The following INPP4B variants were observed in gnomAD, a reference collection of about 807,000 sequenced individuals.
INPP4B encodes inositol polyphosphate 4-phosphatase type II.
A neutral mutation model predicts 122.5 loss-of-function variants in INPP4B; 55 were observed. The ratio of observed to expected loss-of-function variants is 0.45; its 90% CI spans 0.36 to 0.56. The LOEUF is 0.56. Among genes scored for constraint, INPP4B ranks in the 20% least tolerant of loss-of-function variants. INPP4B has a pLI of 0.00. For synonymous variants in INPP4B, 403 were observed against 388.7 expected (o/e 1.04, Z -0.43); for missense variants, 1,000 against 1,097.7 (o/e 0.91, Z 1.26).
At chr4:142,653,166 C>A (rs535970387) in intron 2 of INPP4B, among the ~76,000 whole-genome samples, 141 of 152,224 alleles carry the variant, frequency 9.3e-4, no homozygotes, top group African/African-American at 3.3e-3. Flanking sequence ...AACTGGCTAG[C>A]CATATGCAGA....
intron 2 of INPP4B, among the ~76,000 whole-genome samples, chr4:142,516,536 C>T (rs1032933082): frequency 3.4e-5 from 5 of 146,266 alleles, no homozygotes; most frequent in African/African-American, 1.3e-4. Context: ...AGAATTCAAA[C>T]CCAGACAATC....
chr4:142,253,608 A>T, intron 11 of INPP4B, among the ~76,000 whole-genome samples: 1 of 152,192 alleles, frequency 6.6e-6, no homozygotes, highest in Non-Finnish European at 1.5e-5. Flanking sequence ...GCACCTGGAA[A>T]ATCGGGTCAA....
At chr4:142,412,106 T>C (rs1353130606) in intron 5 of INPP4B, among the ~76,000 whole-genome samples, 1 of 152,104 alleles carries the variant, frequency 6.6e-6, no homozygotes, top group Non-Finnish European at 1.5e-5. Context: ...CTTCAGAAAA[T>C]TAGATTCCAC....
intron 1 of INPP4B, among the ~76,000 whole-genome samples, chr4:142,741,303 C>T (rs1314853817): frequency 6.6e-6 from 1 of 151,926 alleles, no homozygotes; most frequent in African/African-American, 2.4e-5. Flanking sequence ...GGAGTAGACA[C>T]ATCACATGGC....
chr4:142,727,706 C>A (rs1765510684), intron 1 of INPP4B, among the ~76,000 whole-genome samples: 1 of 152,096 alleles, frequency 6.6e-6, no homozygotes, highest in African/African-American at 2.4e-5. Context: ...CATGGCAAGG[C>A]ACTGTCTCTA....
intron 5 of INPP4B, among the ~76,000 whole-genome samples, chr4:142,418,434 T>C (rs1020689762): frequency 6.6e-6 from 1 of 152,118 alleles, no homozygotes; most frequent in Admixed American, 6.6e-5. Flanking sequence ...TTTCACAGCA[T>C]TGAACAAGAA....
intron 7 of INPP4B, among the ~76,000 whole-genome samples, chr4:142,346,166 C>T (rs1184362332): frequency 6.6e-6 from 1 of 152,038 alleles, no homozygotes; most frequent in Non-Finnish European, 1.5e-5. Context: ...TTTAAGTAGA[C>T]ATGGTCTCTG....
intron 2 of INPP4B, among the ~76,000 whole-genome samples, chr4:142,724,429 A>G (rs1765086088): frequency 6.6e-6 from 1 of 152,042 alleles, no homozygotes; most frequent in East Asian, 1.9e-4. Flanking sequence ...GCCATCTTCC[A>G]TTGAGTTGCC....
At chr4:142,204,533 T>C (rs1841908685) in intron 14 of INPP4B, among the ~76,000 whole-genome samples, 1 of 152,096 alleles carries the variant, frequency 6.6e-6, no homozygotes. Flanking sequence ...AATCCTGTTG[T>C]GGGTTTACTT....
chr4:142,190,110 A>G (rs1907132), intron 15 of INPP4B, among the ~76,000 whole-genome samples: 137,791 of 152,196 alleles, frequency 0.91, 62,659 homozygotes, highest in East Asian at 0.96. Flanking sequence ...AAAAATAAAC[A>G]AAGGTGAAAT....
chr4:142,294,596 C>T (rs1256653700), intron 9 of INPP4B, among the ~76,000 whole-genome samples: 1 of 151,754 alleles, frequency 6.6e-6, no homozygotes, highest in Non-Finnish European at 1.5e-5. Context: ...AATGTGCTCT[C>T]TTGCTGGATG....
At chr4:142,786,006 T>C (rs527828749) in intron 1 of INPP4B, among the ~76,000 whole-genome samples, 1 of 152,154 alleles carries the variant, frequency 6.6e-6, no homozygotes, top group East Asian at 1.9e-4. Context: ...AAGCAAAAGG[T>C]AAGTGAAGTG....
intron 8 of INPP4B, among the ~76,000 whole-genome samples, chr4:142,310,131 T>G (rs1764923675): frequency 6.6e-6 from 1 of 152,150 alleles, no homozygotes; most frequent in Admixed American, 6.5e-5. Flanking sequence ...ACAGGTTTTT[T>G]TTTTTTTATA....
intron 23 of INPP4B, among the ~76,000 whole-genome samples, chr4:142,090,548 G>T (rs1206742381): frequency 1.3e-5 from 2 of 152,060 alleles, no homozygotes; most frequent in East Asian, 1.9e-4. Flanking sequence ...GAAAATTGTG[G>T]TGTACACAGA....
At chr4:142,788,664 T>C (rs1776092825) in intron 1 of INPP4B, among the ~76,000 whole-genome samples, 1 of 152,078 alleles carries the variant, frequency 6.6e-6, no homozygotes, top group African/African-American at 2.4e-5. Flanking sequence ...GTGTCATTCT[T>C]GTTCCCTCGC....
intron 24 of INPP4B, among the ~76,000 whole-genome samples, chr4:142,084,211 A>G (rs1193542444): frequency 6.6e-6 from 1 of 151,912 alleles, no homozygotes; most frequent in East Asian, 1.9e-4. Flanking sequence ...GCAACCACCA[A>G]CTCCCTGGTT....
chr4:142,582,282 G>C (rs1156285701), intron 2 of INPP4B, among the ~76,000 whole-genome samples: 2 of 151,854 alleles, frequency 1.3e-5, no homozygotes, highest in Non-Finnish European at 2.9e-5. Flanking sequence ...AAAGGTCCAA[G>C]AGTGGACCTG....
chr4:142,593,664 C>T (rs1290694937), intron 2 of INPP4B, among the ~76,000 whole-genome samples: 2 of 152,134 alleles, frequency 1.3e-5, no homozygotes, highest in Non-Finnish European at 2.9e-5. Context: ...ACCTAGAATA[C>T]AGCATGCTTT....
chr4:142,508,553 C>A (rs1182260920), intron 2 of INPP4B, among the ~76,000 whole-genome samples: 5 of 152,154 alleles, frequency 3.3e-5, no homozygotes, highest in Non-Finnish European at 1.5e-5. Context: ...GGTTTACGGG[C>A]ATGAACCACT....
Sources: allele counts gnomAD v4.1 joint callset (sites outside exome capture counted in the v4.1 genomes callset), GRCh38; gene constraint gnomAD v4.1.1; transcripts MANE v1.5; gene names NCBI Gene and HGNC (gene_info 2026-07-23, HGNC 2026-07-21).